CENPH: variants seen among roughly 807,000 people sequenced by gnomAD.
CENPH encodes centromere protein H.
CENPH carries 40 observed loss-of-function variants against 42.9 expected under a neutral mutation model. The observed-to-expected ratio is 0.93, with a 90% confidence interval of 0.72 to 1.21. The LOEUF (loss-of-function observed/expected upper bound fraction) is 1.21, where lower values mean the gene tolerates loss of function less well. CENPH is among the 50% of genes most tolerant of loss of function. The probability of loss-of-function intolerance (pLI) is 0.00; values close to 1 mark genes in which losing one functional copy is unlikely to be tolerated. For missense variants in CENPH, 302 were observed against 292.9 expected (o/e 1.03, Z -0.23); for synonymous variants, 88 against 96.5 (o/e 0.91, Z 0.52).
chr5:69,189,864 G>C (rs1210581294), intron 1 of CENPH, 96 bp downstream of exon 1: 12 of 1,284,348 alleles, frequency 9.3e-6, no homozygotes, highest in South Asian at 4.8e-5. Flanking sequence ...ATTCACGCTC[G>C]GTCACGTCAG....
At chr5:69,203,833 T>G (rs1005514235) in intron 7 of CENPH, among the ~76,000 whole-genome samples, 6 of 151,322 alleles carry the variant, frequency 4.0e-5, no homozygotes, top group African/African-American at 1.5e-4. Context: ...ATCACAAAAT[T>G]AATACATTCT....
chr5:69,190,180 A>G (rs924912470), intron 1 of CENPH, among the ~76,000 whole-genome samples: 2 of 152,346 alleles, frequency 1.3e-5, no homozygotes, highest in South Asian at 2.1e-4. Flanking sequence ...TATAAATTCT[A>G]CTAAGCGGAC....
Position 69,201,220 on chromosome 5 carries a change from C to T in CENPH, c.372-1286C>T, listed in dbSNP as rs186049586. Among the ~76,000 whole-genome samples the T allele has an allele frequency of 2.8e-4, 42 of 152,274 alleles. 2 individuals carry two copies. The East Asian group carries it at 5.6e-3, about 20-fold the overall frequency. On this transcript the variant is annotated intron_variant, in intron 5 of 8. Coordinates refer to ENST00000283006, the MANE Select transcript of CENPH (RefSeq NM_022909.4). ...ACTCTGAAGTATGAGAGCCACTGCT[C>T]TGCGCAGTCTTATTCCATACTGTTT...
In CENPH at chr5:69,196,632, G is replaced by A. The variant is rs350108; in HGVS notation, c.315-421G>A. On this transcript the variant is annotated intron_variant, in intron 4 of 8. Coordinates refer to ENST00000283006, the MANE Select transcript of CENPH (RefSeq NM_022909.4). The stretch of plus-strand genomic sequence containing the variant: ...TGTGCACTCCATTGTGGGTGACAGA[G>A]CAAGATTCCCTCTCAAAAAACAAAA... Among the ~76,000 whole-genome samples, 3 of 152,246 alleles carry A rather than the reference G, an allele frequency of 2.0e-5. No individual in the cohort carries two copies. The East Asian group carries it at 5.8e-4, about 29-fold the overall frequency.
chr5:69,195,607 G>A (rs1747950328), intron 3 of CENPH, 110 bp from the exon 4 acceptor site: 1 of 648,684 alleles, frequency 1.5e-6, no homozygotes. Flanking sequence ...TAGAATACTT[G>A]TATTTAGATA....
At chr5:69,200,112 CAAAAAAA>C (rs373894870) in intron 5 of CENPH, among the ~76,000 whole-genome samples, 4 of 51,408 alleles carry the variant, frequency 7.8e-5, no homozygotes, top group Non-Finnish European at 8.4e-5. Context: ...GACTCTGTCT[CAAAAAAA>C]AAAAAAAAAA....
intron 5 of CENPH, among the ~76,000 whole-genome samples, chr5:69,200,471 C>G (rs1283733753): frequency 6.6e-6 from 1 of 152,158 alleles, no homozygotes; most frequent in Admixed American, 6.6e-5. Context: ...CTGCCAGATG[C>G]ATGAATTGTC....
chr5:69,203,453 G>A (rs904692055), intron 7 of CENPH, among the ~76,000 whole-genome samples: 4 of 152,052 alleles, frequency 2.6e-5, no homozygotes, highest in African/African-American at 7.2e-5. Context: ...TGCATCCTCC[G>A]CCTCCTGGGT....
At chr5:69,205,702 C>CTTTTTTTTTTTTTT (rs1158243799) in intron 7 of CENPH, among the ~76,000 whole-genome samples, 1 of 77,090 alleles carries the variant, frequency 1.3e-5, no homozygotes, top group Admixed American at 2.0e-4. Context: ...CTGTAGATAT[C>CTTTTTTTTTTTTTT]TTTTTTTTTT....
intron 2 of CENPH, among the ~76,000 whole-genome samples, chr5:69,192,379 A>G (rs1178043964): frequency 6.6e-6 from 1 of 152,192 alleles, no homozygotes; most frequent in Non-Finnish European, 1.5e-5. Context: ...CTATATAGCT[A>G]GTACCATTTT....
chr5:69,191,497 G>A (rs1460148095), intron 1 of CENPH, among the ~76,000 whole-genome samples: 1 of 152,154 alleles, frequency 6.6e-6, no homozygotes, highest in East Asian at 1.9e-4. Flanking sequence ...GGGCAAGAGT[G>A]CAAGACTCCG....
chr5:69,196,974 C>G (rs1747974663), intron 4 of CENPH, 79 bp from the exon 5 acceptor site: 1 of 871,644 alleles, frequency 1.1e-6, no homozygotes, highest in Non-Finnish European at 1.8e-6. Flanking sequence ...GGAAATCAAT[C>G]TTTTTCATGT....
At chr5:69,206,307 G>A (rs1305203650) in intron 7 of CENPH, among the ~76,000 whole-genome samples, 4 of 148,570 alleles carry the variant, frequency 2.7e-5, no homozygotes, top group Non-Finnish European at 5.9e-5. Flanking sequence ...TCAGCCTCCC[G>A]AGTAGCTGGG....
intron 7 of CENPH, among the ~76,000 whole-genome samples, chr5:69,207,054 C>T (rs1423192570): frequency 1.3e-5 from 2 of 152,064 alleles, no homozygotes; most frequent in African/African-American, 4.8e-5. Flanking sequence ...ATTCCAACCT[C>T]CTTTAATATA....
chr5:69,207,385 C>T lies in CENPH; in HGVS notation c.488-811C>T, dbSNP rs190162962. 4.9e-3 allele frequency among the ~76,000 whole-genome samples: 746 copies of T among 151,868 alleles called. 6 individuals are homozygous for T. Among genetic ancestry groups the T allele is most frequent in the South Asian group, 0.017 (82 of 4,818 alleles). On this transcript the variant is annotated intron_variant, in intron 7 of 8. Transcript: ENST00000283006. Reference sequence around the variant, plus strand: ...TGTATTTTTCATAGAGATGGGGTTTCGCCATGTTGGCGGGGCTGGTCTCGA... The same window carrying T: ...TGTATTTTTCATAGAGATGGGGTTTTGCCATGTTGGCGGGGCTGGTCTCGA...
intron 7 of CENPH, among the ~76,000 whole-genome samples, chr5:69,204,306 G>C (rs140462654): frequency 1.4e-3 from 211 of 151,290 alleles, no homozygotes; most frequent in African/African-American, 4.9e-3. Context: ...TTCAGATAAG[G>C]GTCTTGTTCT....
rs1370315484 is a variant in CENPH, at chr5:69,198,515, G to T, written c.371+1406G>T. 2.6e-5 allele frequency among the ~76,000 whole-genome samples: 4 copies of T among 152,072 alleles called. No individual in the cohort carries two copies. The East Asian group carries it at 7.7e-4, about 29-fold the overall frequency. ...ATGTTGGCCAGGCTGGTCTGACCTA[G>T]GCACTTCTATCTTGAGTATCTTAGC... On this transcript the variant is annotated intron_variant, in intron 5 of 8. Transcript: ENST00000283006.
rs1051869075 is a variant in CENPH at position 69,203,120 on chromosome 5, A to C, written c.487+150A>C. ...ACATGGCAACTTAAAAAGTGATATAAAGTACATTTTGTTCTGTTTATTCTC... is the reference window on the plus strand; with the variant it reads ...ACATGGCAACTTAAAAAGTGATATACAGTACATTTTGTTCTGTTTATTCTC... On this transcript the variant is annotated intron_variant, in intron 7 of 8. Coordinates refer to ENST00000283006, the MANE Select transcript of CENPH (RefSeq NM_022909.4). 4.0e-5 allele frequency: 26 copies of C among 649,862 alleles called. No homozygotes were observed. The African/African-American group carries it at 4.2e-4, about 10-fold the overall frequency. 40.3% of individuals were successfully genotyped at this position (649,862 alleles called of 1,614,324 possible). A position where few individuals can be genotyped will look rare whatever the true frequency, so the allele number is the denominator to read the frequency against.
intron 8 of CENPH, among the ~76,000 whole-genome samples, chr5:69,209,095 C>T (rs1481351980): frequency 1.3e-5 from 2 of 152,208 alleles, no homozygotes; most frequent in East Asian, 1.9e-4. Flanking sequence ...GCACCCAGCA[C>T]GCTGCAAGTA....
Sources: gnomAD v4.1 joint callset for allele counts (sites outside exome capture counted in the v4.1 genomes callset) on GRCh38, gnomAD v4.1.1 for gene constraint, MANE v1.5 for transcripts, NCBI Gene and HGNC (gene_info 2026-07-23, HGNC 2026-07-21) for gene names.